Variants in NPAS3 observed in about 807,000 individuals in gnomAD.
NPAS3 encodes neuronal PAS domain protein 3.
A neutral mutation model predicts 73.1 loss-of-function variants in NPAS3; 14 were observed. The ratio of observed to expected loss-of-function variants is 0.19; its 90% CI spans 0.13 to 0.30. NPAS3 has a LOEUF of 0.30. NPAS3 is among the 10% of genes least tolerant of loss of function. The pLI is 1.00. For synonymous variants in NPAS3, 620 were observed against 541.5 expected (o/e 1.14, Z -2.01); for missense variants, 1,096 against 1,250.0 (o/e 0.88, Z 1.86).
At chr14:33,078,499 A>G (rs1170485704) in intron 2 of NPAS3, among the ~76,000 whole-genome samples, 1 of 150,962 alleles carries the variant, frequency 6.6e-6, no homozygotes, top group Non-Finnish European at 1.5e-5. Flanking sequence ...TTTGTTTGGT[A>G]ATGTATACAT....
chr14:33,642,082 T>G (rs1039003470), intron 5 of NPAS3, among the ~76,000 whole-genome samples: 16 of 152,292 alleles, frequency 1.1e-4, no homozygotes, highest in African/African-American at 3.6e-4. Flanking sequence ...TACAAAAGCC[T>G]ATTTATAATT....
At chr14:33,455,400 G>A (rs760143531) in intron 4 of NPAS3, among the ~76,000 whole-genome samples, 7 of 152,120 alleles carry the variant, frequency 4.6e-5, no homozygotes, top group Non-Finnish European at 8.8e-5. Flanking sequence ...TTCTCAAGGT[G>A]GTCTTCCTTG....
At chr14:33,781,682 C>T (rs980162923) in intron 9 of NPAS3, among the ~76,000 whole-genome samples, 2 of 152,184 alleles carry the variant, frequency 1.3e-5, no homozygotes, top group African/African-American at 4.8e-5. Flanking sequence ...CTGGTTCTGT[C>T]CTGAAAGATA....
At chr14:33,475,553 A>C (rs2050987196) in intron 4 of NPAS3, among the ~76,000 whole-genome samples, 1 of 151,676 alleles carries the variant, frequency 6.6e-6, no homozygotes, top group Non-Finnish European at 1.5e-5. Context: ...AAGATCTAAA[A>C]AAAAAAAAAA....
At chr14:33,114,635 C>T (rs1176289703) in intron 2 of NPAS3, among the ~76,000 whole-genome samples, 2 of 152,078 alleles carry the variant, frequency 1.3e-5, no homozygotes, top group African/African-American at 4.8e-5. Context: ...CTGAGCCTTC[C>T]ATTTACTTAA....
intron 3 of NPAS3, among the ~76,000 whole-genome samples, chr14:33,313,827 T>C (rs1472305906): frequency 6.6e-6 from 1 of 152,070 alleles, no homozygotes; most frequent in Non-Finnish European, 1.5e-5. Flanking sequence ...GCAATCTCTA[T>C]AATCGTGACA....
At chr14:33,682,264 C>G (rs985600961) in intron 6 of NPAS3, among the ~76,000 whole-genome samples, 6 of 152,178 alleles carry the variant, frequency 3.9e-5, no homozygotes, top group Non-Finnish European at 5.9e-5. Context: ...ATGATCGGGA[C>G]AAGTTCACGA....
chr14:33,048,187 C>G (rs549866068), intron 1 of NPAS3, among the ~76,000 whole-genome samples: 1 of 152,278 alleles, frequency 6.6e-6, no homozygotes, highest in Admixed American at 6.5e-5. Flanking sequence ...TAATAAAATG[C>G]ATGGCTACTG....
intron 1 of NPAS3, among the ~76,000 whole-genome samples, chr14:33,014,362 GT>G: frequency 6.6e-6 from 1 of 152,110 alleles, no homozygotes; most frequent in Non-Finnish European, 1.5e-5. Context: ...ATATAAATTT[GT>G]TTTTTGTTCC....
chr14:33,793,829 A>T (rs200926306), intron 9 of NPAS3, 68 bp from the exon 10 acceptor site: 18 of 44,600 alleles, frequency 4.0e-4, no homozygotes, highest in East Asian at 9.0e-4. Flanking sequence ...TTGCAGAGAT[A>T]AAAAAAAAAA....
intron 2 of NPAS3, among the ~76,000 whole-genome samples, chr14:33,119,779 G>T (rs2043175822): frequency 6.6e-6 from 1 of 152,060 alleles, no homozygotes; most frequent in African/African-American, 2.4e-5. Flanking sequence ...TTACATTTCT[G>T]GTAGGTGATG....
intron 6 of NPAS3, among the ~76,000 whole-genome samples, chr14:33,706,208 G>T (rs555403378): frequency 6.6e-6 from 1 of 152,176 alleles, no homozygotes; most frequent in Non-Finnish European, 1.5e-5. Flanking sequence ...TGAGCTAGTA[G>T]GGGGTTTCTG....
At chr14:33,102,188 A>G (rs529174896) in intron 2 of NPAS3, among the ~76,000 whole-genome samples, 3 of 152,126 alleles carry the variant, frequency 2.0e-5, no homozygotes, top group East Asian at 3.9e-4. Flanking sequence ...TTTACTGTGG[A>G]TGTGTTTATG....
intron 3 of NPAS3, among the ~76,000 whole-genome samples, chr14:33,283,289 A>G (rs2041705177): frequency 6.6e-6 from 1 of 152,180 alleles, no homozygotes; most frequent in Admixed American, 6.6e-5. Flanking sequence ...GTGAATTGCC[A>G]TTGTTACCAG....
chr14:33,160,661 T>C (rs1430969183), intron 2 of NPAS3, among the ~76,000 whole-genome samples: 2 of 151,530 alleles, frequency 1.3e-5, no homozygotes, highest in East Asian at 1.9e-4. Flanking sequence ...AAAAGAAAAG[T>C]CTGTGGTTCT....
At chr14:33,606,784 C>G (rs1051011180) in intron 5 of NPAS3, among the ~76,000 whole-genome samples, 4 of 152,138 alleles carry the variant, frequency 2.6e-5, no homozygotes, top group Admixed American at 2.0e-4. Flanking sequence ...GTTCAACAGT[C>G]TGTAAGTGAA....
intron 1 of NPAS3, among the ~76,000 whole-genome samples, chr14:33,051,849 T>A (rs531482568): frequency 1.3e-5 from 2 of 152,186 alleles, no homozygotes; most frequent in East Asian, 3.9e-4. Context: ...AACCTCCACC[T>A]CCCGGGTTCA....
intron 6 of NPAS3, chr14:33,680,847 T>C: frequency 1.8e-6 from 1 of 546,786 alleles, no homozygotes; most frequent in East Asian, 3.0e-5. Flanking sequence ...CCATTGGTTG[T>C]GTAAAGTATG....
chr14:33,174,204 G>T (rs762604032), intron 2 of NPAS3, among the ~76,000 whole-genome samples: 1 of 152,122 alleles, frequency 6.6e-6, no homozygotes, highest in African/African-American at 2.4e-5. Flanking sequence ...TGCAGATGCC[G>T]TTTAGCCATC....
Sources: allele counts gnomAD v4.1 joint callset (sites outside exome capture counted in the v4.1 genomes callset), GRCh38; gene constraint gnomAD v4.1.1; transcripts MANE v1.5; gene names NCBI Gene and HGNC (gene_info 2026-07-23, HGNC 2026-07-21).